Variants in LIMA1 observed in about 807,000 individuals in gnomAD.
LIMA1 encodes LIM domain and actin-binding protein 1.
LIMA1 carries 52 observed loss-of-function variants against 62.6 expected under a neutral mutation model. The observed-to-expected ratio is 0.83, with a 90% confidence interval of 0.67 to 1.05. The LOEUF (loss-of-function observed/expected upper bound fraction) is 1.05. LIMA1 is among the 50% of genes least tolerant of loss of function. The probability of loss-of-function intolerance (pLI) is 0.00; values close to 1 mark genes in which losing one functional copy is unlikely to be tolerated. For synonymous variants in LIMA1, 302 were observed against 317.8 expected (o/e 0.95, Z 0.53); for missense variants, 780 against 902.2 (o/e 0.86, Z 1.74).
chr12:50,245,703 C>A lies in LIMA1; in HGVS notation c.119+2930G>T, dbSNP rs1467067319. 2.0e-5 allele frequency among the ~76,000 whole-genome samples: 3 copies of A among 151,132 alleles called. No individual in the cohort carries two copies. The East Asian group carries it at 5.8e-4, about 29-fold the overall frequency. On this transcript the variant is annotated intron_variant, in intron 2 of 10. Transcript: ENST00000341247. ...CTTACCCCAAATGCTACAGCACCCC[C>A]AGTGAGAAACACTAAAAAAAAAAAA...
intron 1 of LIMA1, among the ~76,000 whole-genome samples, chr12:50,272,239 T>C (rs1369613397): frequency 6.6e-6 from 1 of 152,058 alleles, no homozygotes; most frequent in African/African-American, 2.4e-5. Flanking sequence ...AGAATTAAAA[T>C]GGATTTACTA....
intron 10 of LIMA1, among the ~76,000 whole-genome samples, chr12:50,181,112 CAAAAAAAAAAA>C (rs35433011): frequency 7.0e-5 from 5 of 71,106 alleles, no homozygotes; most frequent in East Asian, 4.7e-4. Context: ...ACTCTGTATC[CAAAAAAAAAAA>C]AAAAAAAAAA....
At chr12:50,279,892 G>GA (rs1044082060) in intron 1 of LIMA1, among the ~76,000 whole-genome samples, 58 of 151,578 alleles carry the variant, frequency 3.8e-4, no homozygotes, top group African/African-American at 1.3e-3. Flanking sequence ...AGTTTATGGA[G>GA]AAAAAAAAGA....
intron 4 of LIMA1, among the ~76,000 whole-genome samples, chr12:50,215,464 T>A (rs180746857): frequency 5.4e-4 from 82 of 152,136 alleles, no homozygotes; most frequent in East Asian, 5.2e-3. Context: ...GCTTTATTTA[T>A]TTTATTTATT....
At chr12:50,215,037 CTATA>C (rs2138527504) in intron 4 of LIMA1, among the ~76,000 whole-genome samples, 1 of 152,128 alleles carries the variant, frequency 6.6e-6, no homozygotes, top group Non-Finnish European at 1.5e-5. Context: ...TCAAGAAGGC[CTATA>C]TAAATTATTT....
intron 4 of LIMA1, among the ~76,000 whole-genome samples, chr12:50,213,403 A>G (rs1486791259): frequency 6.6e-6 from 1 of 152,248 alleles, no homozygotes; most frequent in Non-Finnish European, 1.5e-5. Flanking sequence ...GTACTACCCA[A>G]TTTCAATCCT....
chr12:50,242,681 C>T (rs763824893), intron 2 of LIMA1, among the ~76,000 whole-genome samples: 1 of 152,176 alleles, frequency 6.6e-6, no homozygotes, highest in Non-Finnish European at 1.5e-5. Flanking sequence ...CAAATGCTAG[C>T]CAGACCAGTG....
At chr12:50,262,124 C>T (rs1216686053) in intron 1 of LIMA1, among the ~76,000 whole-genome samples, 4 of 152,042 alleles carry the variant, frequency 2.6e-5, no homozygotes, top group Non-Finnish European at 5.9e-5. Flanking sequence ...AAACTGAAAC[C>T]CATCAATATT....
intron 8 of LIMA1, 135 bp from the exon 9 acceptor site, chr12:50,192,696 T>A (rs78097540): frequency 6.7e-5 from 44 of 651,926 alleles, no homozygotes; most frequent in Non-Finnish European, 1.1e-4. Flanking sequence ...ACTGCTTTTC[T>A]GTTGAAGAAT....
intron 1 of LIMA1, among the ~76,000 whole-genome samples, chr12:50,279,825 T>C (rs908691175): frequency 6.6e-6 from 1 of 152,194 alleles, no homozygotes; most frequent in African/African-American, 2.4e-5. Context: ...AAATGTTACC[T>C]GTTTAGTAAA....
intron 5 of LIMA1, among the ~76,000 whole-genome samples, 183 bp downstream of exon 5, chr12:50,205,794 CAAAAAAA>C (rs5798132): frequency 5.0e-5 from 4 of 80,182 alleles, no homozygotes; most frequent in Non-Finnish European, 1.0e-4. Context: ...ACTTCCGTCT[CAAAAAAA>C]AAAAAAAAAA....
At position 50,177,373 on chromosome 12, in the gene LIMA1, T is replaced by C; in HGVS notation, c.1971A>G (p.Glu657=). ...NVGKTTWQNK[E]SKGETGKRSK... is the part of the protein sequence containing the mutation. ...TTCTCTTCCCTGTCTCTCCTTTAGA[T>C]TCTTTGTTTTGCCAGGTTGTTTTTC... Residue 657 remains glutamate (E), a synonymous_variant, in exon 11 of 11, where the codon GAA becomes GAG. Transcript: ENST00000341247. The C allele has an allele frequency of 1.2e-6, 2 of 1,614,210 alleles. No individual in the cohort carries two copies. Among genetic ancestry groups the C allele is most frequent in the Non-Finnish European group, 1.7e-6 (2 of 1,180,036 alleles).
At chr12:50,198,083 A>G (rs897337791) in intron 7 of LIMA1, among the ~76,000 whole-genome samples, 1 of 152,210 alleles carries the variant, frequency 6.6e-6, no homozygotes, top group Non-Finnish European at 1.5e-5. Flanking sequence ...TTATAAAATA[A>G]ACTATTCTAA....
In LIMA1 at chr12:50,205,972, C is replaced by G. The variant is rs780794708; in HGVS notation, c.715+12G>C. ...CCTAAAGGACCTCATACACATGGAACTCTCTGCTTACCTGGGCCTATTTCC... is the reference window on the plus strand; with the variant it reads ...CCTAAAGGACCTCATACACATGGAAGTCTCTGCTTACCTGGGCCTATTTCC... On this transcript the variant is annotated intron_variant, in intron 5 of 10. Transcript: ENST00000341247. 1 of 1,603,978 alleles carries G rather than the reference C, an allele frequency of 6.2e-7. No homozygotes were observed. Among genetic ancestry groups the G allele is most frequent in the Admixed American group, 1.7e-5 (1 of 59,890 alleles).
chr12:50,261,042 A>ATATATTTTTTTTTTTTTTTT (rs1383547189), intron 1 of LIMA1, among the ~76,000 whole-genome samples: 6 of 54,292 alleles, frequency 1.1e-4, no homozygotes, highest in Non-Finnish European at 1.3e-4. Context: ...CATCTAGTAT[A>ATATATTTTTTTTTTTTTTTT]TTTTTTTTTT....
chr12:50,195,968 C>G (rs1249679611), intron 7 of LIMA1, 81 bp from the exon 8 acceptor site: 1 of 1,391,312 alleles, frequency 7.2e-7, no homozygotes, highest in African/African-American at 1.5e-5. Context: ...GCTGTTAATG[C>G]CATAAAAACC....
chr12:50,195,878 T>C lies in LIMA1; in HGVS notation c.982A>G (p.Asn328Asp). The change falls in exon 8 of 11, where the codon AAT becomes GAT. Residue 328 changes from asparagine to aspartate, a missense_variant. Transcript: ENST00000341247. Reference sequence around the variant, plus strand: ...GAACGGACTGCCAGGCTATTCTCATTTGCAGAAATCTACAAAAAAAAAAAA... The same window carrying C: ...GAACGGACTGCCAGGCTATTCTCATCTGCAGAAATCTACAAAAAAAAAAAA... ...THQEGEKISA[N>D]ENSLAVRSTP... 2 of 1,570,550 alleles carry C rather than the reference T, an allele frequency of 1.3e-6. No individual in the cohort carries two copies. The highest frequency in any genetic ancestry group is 1.7e-6 in the Non-Finnish European group (2 of 1,167,998).
At chr12:50,227,237 C>CTTTTTTTTT (rs199650468) in intron 3 of LIMA1, among the ~76,000 whole-genome samples, 5 of 124,008 alleles carry the variant, frequency 4.0e-5, no homozygotes, top group South Asian at 2.6e-4. Context: ...TTTTTCTTTT[C>CTTTTTTTTT]TTTTTTTTTT....
At chr12:50,246,678 A>G (rs140712993) in intron 2 of LIMA1, among the ~76,000 whole-genome samples, 7 of 152,276 alleles carry the variant, frequency 4.6e-5, no homozygotes, top group African/African-American at 1.4e-4. Context: ...GAGGTCTTCC[A>G]TCTGGCCCTA....
Sources: gnomAD v4.1 joint callset for allele counts (sites outside exome capture counted in the v4.1 genomes callset) on GRCh38, gnomAD v4.1.1 for gene constraint, MANE v1.5 for transcripts, NCBI Gene and HGNC (gene_info 2026-07-23, HGNC 2026-07-21) for gene names.